The following POU2F1 variants were observed in gnomAD, a reference collection of about 807,000 sequenced individuals.
POU2F1 encodes the protein POU domain, class 2, transcription factor 1.
Under a neutral mutation model 84.9 loss-of-function variants are expected in POU2F1, and 16 were observed. The ratio of observed to expected loss-of-function variants is 0.19; its 90% CI spans 0.13 to 0.29. The LOEUF is 0.29. Among genes scored for constraint, POU2F1 ranks in the 10% least tolerant of loss-of-function variants. The pLI is 1.00. For missense variants in POU2F1, 738 were observed against 942.6 expected (o/e 0.78, Z 2.84); for synonymous variants, 368 against 368.3 (o/e 1.00, Z 0.01).
chr1:167,390,346 C>T (rs373116248), intron 9 of POU2F1, among the ~76,000 whole-genome samples: 1 of 152,252 alleles, frequency 6.6e-6, no homozygotes, highest in African/African-American at 2.4e-5. Context: ...ATTGTGAAGA[C>T]TTTAAAAGAT....
intron 2 of POU2F1, among the ~76,000 whole-genome samples, chr1:167,364,508 C>T (rs1352644640): frequency 3.2e-4 from 4 of 12,560 alleles, no homozygotes; most frequent in African/African-American, 3.8e-4. Context: ...CCAGCCTGGG[C>T]GACAGAGCGA....
At chr1:167,242,239 G>A (rs907288578) in intron 1 of POU2F1, among the ~76,000 whole-genome samples, 2 of 152,184 alleles carry the variant, frequency 1.3e-5, no homozygotes, top group African/African-American at 4.8e-5. Context: ...TTTCAAAGCC[G>A]CAATTTTGAG....
chr1:167,337,181 G>A (rs1332732607), intron 2 of POU2F1, among the ~76,000 whole-genome samples: 3 of 145,274 alleles, frequency 2.1e-5, no homozygotes, highest in Non-Finnish European at 4.5e-5. Flanking sequence ...AAAAAAAAAA[G>A]CTAGGTGTAG....
rs143089085 is a variant in POU2F1 at position 167,363,184 on chromosome 1, A to G, written c.128-2283A>G. ...AAGCTTTGATAGCATTTTTATGGCA[A>G]CTTGAAAGTGGAACCAGTATATAGA... On this transcript the variant is annotated intron_variant, in intron 2 of 15. Transcript: ENST00000367866. 1.7e-3 allele frequency among the ~76,000 whole-genome samples: 266 copies of G among 152,286 alleles called. 1 individual carries two copies. The highest frequency in any genetic ancestry group is 2.4e-3 in the Admixed American group (37 of 15,302).
intron 7 of POU2F1, among the ~76,000 whole-genome samples, chr1:167,381,816 G>A (rs183615423): frequency 9.8e-4 from 149 of 151,390 alleles, no homozygotes; most frequent in African/African-American, 3.4e-3. Context: ...CACCATGTTG[G>A]CCAGGCTGGT....
At position 167,276,104 on chromosome 1, in the gene POU2F1, G is replaced by A. The variant is rs182872893; in HGVS notation, c.61+55146G>A. ...CAACTGCTGTCCAAAAATATTAAACGGAAAATCCAAGACATAATTTATAAG... is the reference window on the plus strand; with the variant it reads ...CAACTGCTGTCCAAAAATATTAAACAGAAAATCCAAGACATAATTTATAAG... On this transcript the variant is annotated intron_variant, in intron 1 of 15. Coordinates refer to ENST00000367866, the MANE Select transcript of POU2F1 (RefSeq NM_002697.4). 6.6e-5 allele frequency among the ~76,000 whole-genome samples: 10 copies of A among 152,266 alleles called. No homozygotes were observed. In the East Asian group the frequency reaches 1.2e-3, roughly 18 times the overall value.
chr1:167,241,134 C>A lies in POU2F1; in HGVS notation c.61+20176C>A, dbSNP rs570538040. Among the ~76,000 whole-genome samples, 4 of 152,082 alleles carry A rather than the reference C, an allele frequency of 2.6e-5. No individual in the cohort carries two copies. The East Asian group carries it at 7.7e-4, about 29-fold the overall frequency. On this transcript the variant is annotated intron_variant, in intron 1 of 15. Coordinates refer to ENST00000367866, the MANE Select transcript of POU2F1 (RefSeq NM_002697.4). ...TCCAGCCTGGGCAACAAGAGTGAAA[C>A]GCCATCTAAAAATAAATAAATAAAT...
Position 167,415,885 on chromosome 1 carries a change from T to G in POU2F1, c.*75T>G. ...TGGACTGCCAGCCAGGTTAATAAACTGAAAAATGTGATTGGCTTCCTCTCG... is the reference window on the plus strand; with the variant it reads ...TGGACTGCCAGCCAGGTTAATAAACGGAAAAATGTGATTGGCTTCCTCTCG... On this transcript the variant is annotated 3_prime_UTR_variant, in exon 16 of 16. Coordinates refer to ENST00000367866, the MANE Select transcript of POU2F1 (RefSeq NM_002697.4). The G allele has an allele frequency of 7.1e-7, 1 of 1,414,264 alleles. No homozygotes were observed. The allele number at this position is 1,414,264 out of a possible 1,614,324, so 87.6% of individuals were successfully genotyped here.
At chr1:167,392,232 TC>T (rs1343349852) in intron 9 of POU2F1, among the ~76,000 whole-genome samples, 1 of 151,756 alleles carries the variant, frequency 6.6e-6, no homozygotes, top group Non-Finnish European at 1.5e-5. Context: ...GCGCCTGTAA[TC>T]CCAGCTAATC....
chr1:167,272,074 C>G (rs12754113), intron 1 of POU2F1, among the ~76,000 whole-genome samples: 23,381 of 152,118 alleles, frequency 0.15, 2,054 homozygotes, highest in Non-Finnish European at 0.2. Context: ...CCCATAAACA[C>G]TAAAATGTTT....
At chr1:167,278,874 A>G (rs2102492147) in intron 1 of POU2F1, among the ~76,000 whole-genome samples, 1 of 151,962 alleles carries the variant, frequency 6.6e-6, no homozygotes, top group South Asian at 2.1e-4. Flanking sequence ...GACCTATTTC[A>G]CATGGGTACA....
intron 1 of POU2F1, among the ~76,000 whole-genome samples, chr1:167,243,770 C>G (rs1029028736): frequency 1.3e-5 from 2 of 152,228 alleles, no homozygotes; most frequent in Non-Finnish European, 2.9e-5. Flanking sequence ...GCCATCACAC[C>G]CGGCCTAAAC....
chr1:167,326,955 G>A lies in POU2F1; in HGVS notation c.62-5515G>A, dbSNP rs372230200. On this transcript the variant is annotated intron_variant, in intron 1 of 15. Coordinates refer to ENST00000367866, the MANE Select transcript of POU2F1 (RefSeq NM_002697.4). Reference sequence around the variant, plus strand: ...ATGCAAATAATAAATTTTAAATTTCGTAAAGGCGGAAGAGGAGGGAAATAA... The same window carrying A: ...ATGCAAATAATAAATTTTAAATTTCATAAAGGCGGAAGAGGAGGGAAATAA... 9.7e-4 allele frequency among the ~76,000 whole-genome samples: 147 copies of A among 152,234 alleles called. 1 individual carries two copies. The highest frequency in any genetic ancestry group is 1.8e-3 in the Non-Finnish European group (121 of 68,028).
rs1294914092 is a variant in POU2F1, at chr1:167,337,323, C to CA, written c.127+4798dup. Reference sequence around the variant, plus strand: ...CCTGGGTGACAGTGAGACCTTGTCTCAAAAAAAAAAGAAAGAAAAAAGAGA... The same window carrying CA: ...CCTGGGTGACAGTGAGACCTTGTCTCAAAAAAAAAAAGAAAGAAAAAAGAGA... On this transcript the variant is annotated intron_variant, in intron 2 of 15. Transcript: ENST00000367866. Among the ~76,000 whole-genome samples the CA allele has an allele frequency of 1.3e-3, 187 of 141,590 alleles. 2 individuals are homozygous for CA. In the South Asian group the frequency reaches 0.015, roughly 11 times the overall value. The allele number at this position is 141,590 out of a possible 152,430, so 92.9% of individuals were successfully genotyped here. A position where few individuals can be genotyped will look rare whatever the true frequency, so the allele number is the denominator to read the frequency against.
At chr1:167,251,524 C>T (rs2102404986) in intron 1 of POU2F1, among the ~76,000 whole-genome samples, 1 of 152,148 alleles carries the variant, frequency 6.6e-6, no homozygotes, top group South Asian at 2.1e-4. Context: ...GGGAAATATA[C>T]TTAAGTGTTA....
At chr1:167,361,992 C>G (rs1309132599) in intron 2 of POU2F1, among the ~76,000 whole-genome samples, 1 of 151,976 alleles carries the variant, frequency 6.6e-6, no homozygotes, top group African/African-American at 2.4e-5. Context: ...GTAGGGTGCT[C>G]CTTTTCTCCC....
At chr1:167,329,384 T>A (rs1656929575) in intron 1 of POU2F1, 2 of 1,476,758 alleles carry the variant, frequency 1.4e-6, no homozygotes, top group Admixed American at 4.0e-5. Flanking sequence ...GCATAAATGC[T>A]TAATCGCATA....
At chr1:167,349,017 T>G (rs1313403918) in intron 2 of POU2F1, among the ~76,000 whole-genome samples, 2 of 152,200 alleles carry the variant, frequency 1.3e-5, no homozygotes, top group African/African-American at 4.8e-5. Flanking sequence ...CAAACCTAAC[T>G]GTGAGCTCCT....
intron 1 of POU2F1, among the ~76,000 whole-genome samples, chr1:167,231,633 G>C (rs1279584224): frequency 6.6e-6 from 1 of 152,182 alleles, no homozygotes; most frequent in Non-Finnish European, 1.5e-5. Flanking sequence ...GTAGAGTAAT[G>C]AATAAGATAA....
Sources: gnomAD v4.1 joint callset for allele counts (sites outside exome capture counted in the v4.1 genomes callset) on GRCh38, gnomAD v4.1.1 for gene constraint, MANE v1.5 for transcripts, NCBI Gene and HGNC (gene_info 2026-07-23, HGNC 2026-07-21) for gene names.